VPS53: variants seen among roughly 807,000 people sequenced by gnomAD.
VPS53 encodes VPS53 subunit of GARP complex.
A neutral mutation model predicts 107.0 loss-of-function variants in VPS53; 70 were observed. That is an observed-to-expected ratio of 0.65 (90% CI 0.54 to 0.80). VPS53 has a LOEUF of 0.80. Among genes scored for constraint, VPS53 ranks in the 30% least tolerant of loss-of-function variants. The pLI, the probability that VPS53 is intolerant of heterozygous loss-of-function variation, is 0.00. For synonymous variants in VPS53, 409 were observed against 393.3 expected (o/e 1.04, Z -0.47); for missense variants, 917 against 1,049.4 (o/e 0.87, Z 1.74).
chr17:521,829 A>G, intron 19 of VPS53, 91 bp from the exon 20 acceptor site: 1 of 1,302,848 alleles, frequency 7.7e-7, no homozygotes, highest in Non-Finnish European at 9.9e-7. Context: ...TTCTCGTTAT[A>G]CACGTAACAC....
At chr17:602,834 A>G (rs977384871) in intron 11 of VPS53, among the ~76,000 whole-genome samples, 3 of 152,128 alleles carry the variant, frequency 2.0e-5, no homozygotes, top group Non-Finnish European at 4.4e-5. Context: ...TTTCACCTAG[A>G]GATGTTGTTT....
chr17:526,025 TA>T lies in VPS53; in HGVS notation c.2086-4288del, dbSNP rs1909109541. ...AAAAAAAAAAAAAAAAAAAAAGATG[TA>T]AAGTAAATGTGGAAACATGTTACAT... On this transcript the variant is annotated intron_variant, in intron 19 of 21. Transcript: ENST00000437048. 2.0e-5 allele frequency among the ~76,000 whole-genome samples: 3 copies of T among 147,018 alleles called. No individual in the cohort carries two copies. In the South Asian group the frequency reaches 6.6e-4, roughly 32 times the overall value.
chr17:663,644 G>C (rs1226249880), intron 4 of VPS53, among the ~76,000 whole-genome samples: 1 of 152,246 alleles, frequency 6.6e-6, no homozygotes, highest in Non-Finnish European at 1.5e-5. Context: ...GGCCACGGAT[G>C]TGTATAGACC....
chr17:530,342 C>T lies in VPS53; in HGVS notation c.2085+2500G>A, dbSNP rs540169233. On this transcript the variant is annotated intron_variant, in intron 19 of 21. Transcript: ENST00000437048. ...CTAATTTTTGTATTTTTAGTAGAGA[C>T]GGGGGTTTCACTGTGTTGGTCAGGC... Among the ~76,000 whole-genome samples, 44 of 151,914 alleles carry T rather than the reference C, an allele frequency of 2.9e-4. 1 individual carries two copies. The East Asian group carries it at 7.0e-3, about 24-fold the overall frequency.
chr17:606,855 C>CA (rs1968610040), intron 11 of VPS53, among the ~76,000 whole-genome samples: 1 of 150,624 alleles, frequency 6.6e-6, no homozygotes, highest in African/African-American at 2.4e-5. Flanking sequence ...CCCCTACCCC[C>CA]ATCCCCTGCA....
At chr17:527,549 A>G (rs530430634) in intron 19 of VPS53, among the ~76,000 whole-genome samples, 3 of 152,146 alleles carry the variant, frequency 2.0e-5, no homozygotes, top group Non-Finnish European at 2.9e-5. Context: ...TTCCATTTCT[A>G]CCAGCACATA....
intron 17 of VPS53, among the ~76,000 whole-genome samples, chr17:540,818 T>G (rs4968134): frequency 0.19 from 28,318 of 151,846 alleles, 2,753 homozygotes; most frequent in Admixed American, 0.27. Flanking sequence ...GGGCCCAGAG[T>G]GTCCCCAGAG....
rs1342373002 is a variant in VPS53, at chr17:661,850, T to A, written c.331A>T (p.Ile111Phe). 5.5e-5 allele frequency: 85 copies of A among 1,552,332 alleles called. No homozygotes were observed. The highest frequency in any genetic ancestry group is 7.1e-5 in the Non-Finnish European group (81 of 1,147,112). ...TCAGCTTTGTCTTTGATATCTTTGATTTTGCCAAAGAGTTGTTGGATAGCT... is the reference window on the plus strand; with the variant it reads ...TCAGCTTTGTCTTTGATATCTTTGAATTTGCCAAAGAGTTGTTGGATAGCT... ...QKAIQQLFGK[I>F]KDIKDKAEKS... Residue 111 changes from isoleucine to phenylalanine, a missense_variant, in exon 5 of 22, where the codon ATC becomes TTC. By Grantham distance (21) the Ile-to-Phe change is conservative (BLOSUM62 0). Transcript: ENST00000437048.
intron 13 of VPS53, among the ~76,000 whole-genome samples, chr17:572,837 C>T (rs1162562518): frequency 2.7e-5 from 4 of 150,396 alleles, no homozygotes; most frequent in African/African-American, 1.0e-4. Context: ...GCAGCATGCT[C>T]GTTAAGAGTC....
chr17:714,816 C>T lies in VPS53; in HGVS notation c.-107G>A. 1.6e-6 allele frequency: 2 copies of T among 1,277,978 alleles called. No homozygotes were observed. Among genetic ancestry groups the T allele is most frequent in the Non-Finnish European group, 2.3e-6 (2 of 888,462 alleles). 79.2% of individuals were successfully genotyped at this position (1,277,978 alleles called of 1,614,324 possible). A position where few individuals can be genotyped will look rare whatever the true frequency, so the allele number is the denominator to read the frequency against. On this transcript the variant is annotated 5_prime_UTR_variant, in exon 1 of 22. Coordinates refer to ENST00000437048, the MANE Select transcript of VPS53 (RefSeq NM_001128159.3). Reference sequence around the variant, plus strand: ...TCCCTCGCGGCAGCGACCTGGTGAGCCCGGCTCCGTCAGCCGCTCTGTCAG... The same window carrying T: ...TCCCTCGCGGCAGCGACCTGGTGAGTCCGGCTCCGTCAGCCGCTCTGTCAG...
intron 17 of VPS53, chr17:539,048 A>C (rs1226580025): frequency 6.6e-6 from 1 of 152,214 alleles, no homozygotes; most frequent in Non-Finnish European, 1.5e-5. Context: ...CTCGGAGCAG[A>C]ATGTTCTGGG....
At position 560,468 on chromosome 17, in the gene VPS53, G is replaced by A. The variant is rs752850293; in HGVS notation, c.1662C>T (p.Asn554=). The change falls in exon 15 of 22, where the codon AAC becomes AAT. Residue 554 remains asparagine (N), a synonymous_variant. Transcript: ENST00000437048. ...FTLEELCLIC[N]ILSTAEYCLA... ...GACAGTACTCTGCCGTGCTCAGGATGTTACAGATGAGGCAGAGCTCCTCCA... is the reference window on the plus strand; with the variant it reads ...GACAGTACTCTGCCGTGCTCAGGATATTACAGATGAGGCAGAGCTCCTCCA... 2 of 1,612,860 alleles carry A rather than the reference G, an allele frequency of 1.2e-6. No individual in the cohort carries two copies.
chr17:623,937 A>G (rs901808827), intron 10 of VPS53, among the ~76,000 whole-genome samples: 7 of 146,432 alleles, frequency 4.8e-5, no homozygotes, highest in East Asian at 1.9e-4. Flanking sequence ...TTGTTTGTTT[A>G]TTTATTTATT....
chr17:664,567 T>G, intron 4 of VPS53, among the ~76,000 whole-genome samples: 1 of 152,148 alleles, frequency 6.6e-6, no homozygotes, highest in South Asian at 2.1e-4. Flanking sequence ...GCATAAGGAT[T>G]CTGCTCTAAG....
At chr17:702,347 T>C (rs928214774) in intron 2 of VPS53, among the ~76,000 whole-genome samples, 7 of 151,642 alleles carry the variant, frequency 4.6e-5, no homozygotes, top group Non-Finnish European at 7.4e-5. Flanking sequence ...GGTGACAATC[T>C]CAAAAAGAAA....
chr17:696,791 C>CTTTTTTT (rs67948585), intron 4 of VPS53, among the ~76,000 whole-genome samples: 4 of 113,796 alleles, frequency 3.5e-5, no homozygotes, highest in Admixed American at 1.1e-4. Flanking sequence ...ACTTATAAAA[C>CTTTTTTT]TTTTTTTTTT....
chr17:532,621 G>A, intron 19 of VPS53: 1 of 1,203,868 alleles, frequency 8.3e-7, no homozygotes, highest in South Asian at 2.1e-5. Context: ...GGTGCTTGCT[G>A]TGTTATACCC....
At chr17:699,417 C>T (rs1223827771) in intron 2 of VPS53, 37 bp from the exon 3 acceptor site, 3 of 1,505,558 alleles carry the variant, frequency 2.0e-6, no homozygotes, top group South Asian at 2.7e-5. Flanking sequence ...GCTGTTAGTC[C>T]ACTTCCTGGA....
Position 654,190 on chromosome 17 carries a change from G to A in VPS53, c.489-780C>T, listed in dbSNP as rs778244146. ...AGCCAGGGTGACAGTGGGAGACTCC[G>A]TCTCAAAAACAAAAACAAAAATACA... On this transcript the variant is annotated intron_variant, in intron 6 of 21. Coordinates refer to ENST00000437048, the MANE Select transcript of VPS53 (RefSeq NM_001128159.3). Among the ~76,000 whole-genome samples, 32 of 151,828 alleles carry A rather than the reference G, an allele frequency of 2.1e-4. 1 individual carries two copies. Among genetic ancestry groups the A allele is most frequent in the South Asian group, 8.3e-4 (4 of 4,800 alleles).
Sources: allele counts gnomAD v4.1 joint callset (sites outside exome capture counted in the v4.1 genomes callset), GRCh38; gene constraint gnomAD v4.1.1; transcripts MANE v1.5; gene names NCBI Gene and HGNC (gene_info 2026-07-23, HGNC 2026-07-21).